The following RALGAPA1 variants were observed in gnomAD, a reference collection of about 807,000 sequenced individuals.
RALGAPA1 encodes the protein Ral GTPase activating protein catalytic subunit alpha 1.
In RALGAPA1, 52 loss-of-function variants were observed where a neutral mutation model predicts 269.6. The ratio of observed to expected loss-of-function variants is 0.19; its 90% CI spans 0.15 to 0.24. The LOEUF (loss-of-function observed/expected upper bound fraction) is 0.24. RALGAPA1 is among the 10% of genes least tolerant of loss of function. RALGAPA1 has a pLI of 1.00. For synonymous variants in RALGAPA1, 817 were observed against 1,008.3 expected (o/e 0.81, Z 3.60); for missense variants, 1,917 against 3,013.9 (o/e 0.64, Z 8.52).
At chr14:35,541,040 A>ATTTTTTTTTTTTTTTTTTCTTTTTTTTTT (rs2053925773) in intron 41 of RALGAPA1, among the ~76,000 whole-genome samples, 1 of 89,164 alleles carries the variant, frequency 1.1e-5, no homozygotes, top group Non-Finnish European at 2.0e-5. Flanking sequence ...GAACACTTCA[A>ATTTTTTTTTTTTTTTTTTCTTTTTTTTTT]TTTTTTTTTT....
intron 1 of RALGAPA1, among the ~76,000 whole-genome samples, chr14:35,802,209 G>A (rs939919616): frequency 1.3e-5 from 2 of 152,198 alleles, no homozygotes; most frequent in Non-Finnish European, 2.9e-5. Context: ...TCAGTAGGCT[G>A]AGGCAGGAGA....
intron 4 of RALGAPA1, chr14:35,766,966 T>C: frequency 2.6e-6 from 1 of 387,042 alleles, no homozygotes; most frequent in Non-Finnish European, 5.1e-6. Context: ...TTACTGGACA[T>C]GCATTTTGTG....
chr14:35,646,527 TTTATACAGTAACTAGACTG>T lies in RALGAPA1; in HGVS notation c.5676+5259_5676+5277del, dbSNP rs1350013157. On this transcript the variant is annotated intron_variant, in intron 31 of 41. Transcript: ENST00000680220. ...AACACAAAGCCAAAACGCAGGACAT[TTTATACAGTAACTAGACTG>T]TATTCTTTAAAATGTCAAGGTCAAG... 9.9e-5 allele frequency among the ~76,000 whole-genome samples: 15 copies of T among 152,176 alleles called. No individual in the cohort carries two copies. The East Asian group carries it at 2.7e-3, about 27-fold the overall frequency.
chr14:35,645,469 G>A (rs565780993), intron 31 of RALGAPA1, among the ~76,000 whole-genome samples: 3 of 151,892 alleles, frequency 2.0e-5, no homozygotes, highest in South Asian at 4.2e-4. Flanking sequence ...AATGGCTCAC[G>A]CCTGTAATCC....
chr14:35,550,619 A>T (rs768978688), intron 39 of RALGAPA1, among the ~76,000 whole-genome samples: 1 of 152,208 alleles, frequency 6.6e-6, no homozygotes, highest in Admixed American at 6.5e-5. Context: ...AAAAAAAAGT[A>T]TAAGAGTTAA....
chr14:35,730,206 G>A (rs576460413), intron 12 of RALGAPA1, among the ~76,000 whole-genome samples: 65 of 152,280 alleles, frequency 4.3e-4, no homozygotes, highest in Non-Finnish European at 5.0e-4. Context: ...GAAATACAGG[G>A]GTAGAGGAAG....
intron 32 of RALGAPA1, among the ~76,000 whole-genome samples, 184 bp from the exon 33 acceptor site, chr14:35,634,941 C>G (rs1029351333): frequency 2.6e-5 from 4 of 152,074 alleles, no homozygotes; most frequent in African/African-American, 9.7e-5. Flanking sequence ...GGAGGCCCAG[C>G]CAGGTGGATC....
At chr14:35,805,419 G>A (rs1225370860) in intron 1 of RALGAPA1, among the ~76,000 whole-genome samples, 3 of 149,236 alleles carry the variant, frequency 2.0e-5, no homozygotes, top group Non-Finnish European at 3.0e-5. Context: ...TCCAGCCTGG[G>A]TGACAGAGTG....
At position 35,685,002 on chromosome 14, in the gene RALGAPA1, G is replaced by A. The variant is rs1471414474; in HGVS notation, c.4221C>T (p.Ser1407=). Residue 1407 remains serine (S), a synonymous_variant, in exon 20 of 42, where the codon AGC becomes AGT. Transcript: ENST00000680220. ...SEWTSPASAG[S]SDLISSDSHS... ...GACTATCTGAGCTGATAAGATCACT[G>A]CTCCCTGCACTGGCAGGAGAAGTCC... The A allele has an allele frequency of 6.2e-7, 1 of 1,613,000 alleles. No individual in the cohort carries two copies. Among genetic ancestry groups the A allele is most frequent in the Non-Finnish European group, 8.5e-7 (1 of 1,179,672 alleles).
intron 28 of RALGAPA1, 39 bp from the exon 29 acceptor site, chr14:35,655,954 A>AACC: frequency 6.2e-7 from 1 of 1,611,752 alleles, no homozygotes; most frequent in Non-Finnish European, 8.5e-7. Context: ...CATAAAATGA[A>AACC]ACCACCACCA....
intron 16 of RALGAPA1, among the ~76,000 whole-genome samples, chr14:35,705,490 G>GT (rs980444819): frequency 2.8e-4 from 41 of 146,700 alleles, no homozygotes; most frequent in Middle Eastern, 3.5e-3. Context: ...GTTTCTTCAT[G>GT]TTTTTTTTTT....
At chr14:35,641,963 T>C (rs1247991828) in intron 31 of RALGAPA1, among the ~76,000 whole-genome samples, 1 of 152,120 alleles carries the variant, frequency 6.6e-6, no homozygotes, top group Non-Finnish European at 1.5e-5. Context: ...AGTGAAGTCA[T>C]TTTAAACAAA....
chr14:35,766,636 G>T, intron 4 of RALGAPA1: 1 of 719,098 alleles, frequency 1.4e-6, no homozygotes, highest in Admixed American at 1.8e-5. Flanking sequence ...AGACGAGAAG[G>T]GTTCAATGAT....
intron 31 of RALGAPA1, among the ~76,000 whole-genome samples, chr14:35,645,730 CA>C (rs59715478): frequency 0.082 from 7,504 of 91,778 alleles, 471 homozygotes; most frequent in African/African-American, 0.2. Flanking sequence ...ACTCCATCTC[CA>C]AAAAAAAAAA....
At chr14:35,786,141 A>C (rs2075778933) in intron 1 of RALGAPA1, among the ~76,000 whole-genome samples, 1 of 152,016 alleles carries the variant, frequency 6.6e-6, no homozygotes, top group South Asian at 2.1e-4. Context: ...TGGGTGACAG[A>C]GTGAGACCTT....
At chr14:35,640,316 AT>A (rs1166127843) in intron 31 of RALGAPA1, among the ~76,000 whole-genome samples, 5 of 152,112 alleles carry the variant, frequency 3.3e-5, no homozygotes, top group Admixed American at 3.3e-4. Flanking sequence ...CAAAAAATTG[AT>A]TTTTTAAAAA....
At chr14:35,597,875 G>GTTCAAGGACATACTCTATTATT in intron 36 of RALGAPA1, among the ~76,000 whole-genome samples, 1 of 152,294 alleles carries the variant, frequency 6.6e-6, no homozygotes, top group South Asian at 2.1e-4. Flanking sequence ...TTCCATTGGG[G>GTTCAAGGACATACTCTATTATT]TTCAAGGACA....
intron 41 of RALGAPA1, chr14:35,541,694 C>A: frequency 2.2e-6 from 1 of 456,308 alleles, no homozygotes; most frequent in South Asian, 1.6e-5. Flanking sequence ...TCTGGTAATG[C>A]ATATCATTCC....
chr14:35,685,308 T>C (rs1243517682), intron 19 of RALGAPA1, among the ~76,000 whole-genome samples, 163 bp from the exon 20 acceptor site: 2 of 152,154 alleles, frequency 1.3e-5, no homozygotes, highest in Non-Finnish European at 2.9e-5. Flanking sequence ...TGAATGGAGC[T>C]AGAGCCTGAC....
Sources: gnomAD v4.1 joint callset for allele counts (sites outside exome capture counted in the v4.1 genomes callset) on GRCh38, gnomAD v4.1.1 for gene constraint, MANE v1.5 for transcripts, NCBI Gene and HGNC (gene_info 2026-07-23, HGNC 2026-07-21) for gene names.